Variants in EXOC5 observed in about 807,000 individuals in gnomAD.
The protein encoded by EXOC5 is exocyst complex component 5.
In EXOC5, 17 loss-of-function variants were observed where a neutral mutation model predicts 90.8. The ratio of observed to expected loss-of-function variants is 0.19; its 90% CI spans 0.13 to 0.28. The LOEUF (loss-of-function observed/expected upper bound fraction) is 0.28, where lower values mean the gene tolerates loss of function less well. EXOC5 is among the 10% of genes least tolerant of loss of function. The pLI, the probability that EXOC5 is intolerant of heterozygous loss-of-function variation, is 1.00. For synonymous variants in EXOC5, 260 were observed against 270.0 expected (o/e 0.96, Z 0.36); for missense variants, 569 against 830.6 (o/e 0.69, Z 3.87).
chr14:57,268,166 G>T lies in EXOC5; in HGVS notation c.27+456C>A, dbSNP rs191941254. Reference sequence around the variant, plus strand: ...TACTAATGGAATAATTACTCAAAACGAGAAGCCCCCAAGAGTCCCGATCTC... The same window carrying T: ...TACTAATGGAATAATTACTCAAAACTAGAAGCCCCCAAGAGTCCCGATCTC... On this transcript the variant is annotated intron_variant, in intron 1 of 17. Coordinates refer to ENST00000621441, the MANE Select transcript of EXOC5 (RefSeq NM_006544.4). 1.7e-3 allele frequency: 302 copies of T among 177,138 alleles called. 1 individual carries two copies. Among genetic ancestry groups the T allele is most frequent in the African/African-American group, 6.9e-3 (289 of 41,984 alleles). 11.0% of individuals were successfully genotyped at this position (177,138 alleles called of 1,614,324 possible).
chr14:57,239,186 TCAAAGGTGTCCA>T (rs1205220376), intron 5 of EXOC5, among the ~76,000 whole-genome samples: 85 of 152,282 alleles, frequency 5.6e-4, no homozygotes, highest in African/African-American at 1.9e-3. Flanking sequence ...CATCAGCTTT[TCAAAGGTGTCCA>T]AGGCCTCCAA....
intron 1 of EXOC5, among the ~76,000 whole-genome samples, chr14:57,261,243 A>G (rs1455303251): frequency 6.6e-6 from 1 of 152,196 alleles, no homozygotes; most frequent in Non-Finnish European, 1.5e-5. Context: ...TAAGAGAACA[A>G]GGCAATCAAT....
chr14:57,251,296 A>G (rs1027205509), intron 1 of EXOC5, among the ~76,000 whole-genome samples: 2 of 152,160 alleles, frequency 1.3e-5, no homozygotes, highest in African/African-American at 4.8e-5. Context: ...TGTCCTCCAA[A>G]TATCTGAGAT....
At chr14:57,212,557 C>T (rs1882860957) in intron 15 of EXOC5, among the ~76,000 whole-genome samples, 3 of 152,212 alleles carry the variant, frequency 2.0e-5, no homozygotes, top group Non-Finnish European at 4.4e-5. Flanking sequence ...GCCATCTTAT[C>T]ACCTGTATTG....
At position 57,207,544 on chromosome 14, in the gene EXOC5, C is replaced by T. The variant is rs1882696088; in HGVS notation, c.*1065G>A. 1.3e-5 allele frequency: 2 copies of T among 152,144 alleles called. No homozygotes were observed. Among genetic ancestry groups the T allele is most frequent in the African/African-American group, 4.8e-5 (2 of 41,438 alleles). The allele number at this position is 152,144 out of a possible 1,614,324, so 9.4% of individuals were successfully genotyped here. On this transcript the variant is annotated 3_prime_UTR_variant, in exon 18 of 18. Coordinates refer to ENST00000621441, the MANE Select transcript of EXOC5 (RefSeq NM_006544.4). ...CCAAGTAGGAATAACTTCAGAAATG[C>T]TTTGAAAAAGGACAATGACAGACCT...
chr14:57,219,740 T>C (rs902454534), intron 13 of EXOC5, among the ~76,000 whole-genome samples: 3 of 152,104 alleles, frequency 2.0e-5, no homozygotes, highest in African/African-American at 7.2e-5. Flanking sequence ...TTATCTCTGA[T>C]AACAGTTCGA....
intron 14 of EXOC5, among the ~76,000 whole-genome samples, chr14:57,218,543 GAATGCTATCAGAATGTCAA>G (rs1158148557): frequency 6.6e-6 from 1 of 152,012 alleles, no homozygotes; most frequent in African/African-American, 2.4e-5. Flanking sequence ...TTTGCCTTCT[GAATGCTATCAGAATGTCAA>G]AACATTCAAA....
chr14:57,233,918 T>C (rs1665986337), intron 8 of EXOC5, 35 bp from the exon 9 acceptor site: 1 of 1,601,160 alleles, frequency 6.2e-7, no homozygotes. Context: ...AGTGAACATA[T>C]AATTTCTACA....
In EXOC5 at chr14:57,224,565, A is replaced by G. The variant is rs1016038672; in HGVS notation, c.1297-2149T>C. On this transcript the variant is annotated intron_variant, in intron 12 of 17. Transcript: ENST00000621441. ...TGAATTGTTCTGTATCTACTAAAGA[A>G]GTTGAATTTGTAGTTTAAAATCCTC... 4.6e-5 allele frequency among the ~76,000 whole-genome samples: 7 copies of G among 152,356 alleles called. No individual in the cohort carries two copies. In the East Asian group the frequency reaches 1.2e-3, roughly 25 times the overall value.
At position 57,208,721 on chromosome 14, in the gene EXOC5, T is replaced by C. The variant is rs1882735032; in HGVS notation, c.2015A>G (p.Lys672Arg). The change falls in exon 18 of 18, where the codon AAG becomes AGG. Residue 672 changes from lysine (K) to arginine (R), a missense_variant. This residue lies in a region of EXOC5 where 122 missense variants were observed against 180.0 expected (regional missense o/e 0.68). Coordinates refer to ENST00000621441, the MANE Select transcript of EXOC5 (RefSeq NM_006544.4). ...AAGTTGTTCTCCTGAGCAGACTTGC[T>C]TTAAATTATCTGGGGCAACTACCAG... ...NLLVVAPDNL[K>R]QVCSGEQLAN... 1.9e-6 allele frequency: 3 copies of C among 1,611,942 alleles called. No homozygotes were observed. Among genetic ancestry groups the C allele is most frequent in the Non-Finnish European group, 2.5e-6 (3 of 1,178,410 alleles).
Position 57,201,501 on chromosome 14 carries a change from T to A in EXOC5, c.*7108A>T, listed in dbSNP as rs1430545949. On this transcript the variant is annotated 3_prime_UTR_variant, in exon 18 of 18. Coordinates refer to ENST00000621441, the MANE Select transcript of EXOC5 (RefSeq NM_006544.4). ...ACACGTGTATAAACACACGTGTATA[T>A]ACACACACATATGTATATATATACA... is the stretch of plus-strand genomic sequence containing the variant. 1.4e-5 allele frequency: 2 copies of A among 145,484 alleles called. No homozygotes were observed. The highest frequency in any genetic ancestry group is 2.6e-5 in the African/African-American group (1 of 38,848). The allele number at this position is 145,484 out of a possible 1,614,324, so 9.0% of individuals were successfully genotyped here. A position where few individuals can be genotyped will look rare whatever the true frequency, so the allele number is the denominator to read the frequency against.
chr14:57,239,010 A>C (rs1318549704), intron 5 of EXOC5, among the ~76,000 whole-genome samples: 3 of 152,214 alleles, frequency 2.0e-5, no homozygotes, highest in South Asian at 2.1e-4. Context: ...TTTAGGATGA[A>C]ATCTAACTTA....
At chr14:57,243,612 T>C (rs934728528) in intron 4 of EXOC5, 1 of 152,348 alleles carries the variant, frequency 6.6e-6, no homozygotes, top group African/African-American at 2.4e-5. Flanking sequence ...CCATGTACCC[T>C]TAGACCAGGA....
intron 3 of EXOC5, among the ~76,000 whole-genome samples, chr14:57,246,449 G>C (rs1342254416): frequency 6.6e-6 from 1 of 152,208 alleles, no homozygotes; most frequent in Non-Finnish European, 1.5e-5. Context: ...CATTGTTAGA[G>C]GAGAATCAAG....
intron 13 of EXOC5, among the ~76,000 whole-genome samples, chr14:57,220,753 C>T (rs1883109304): frequency 1.3e-5 from 2 of 152,034 alleles, no homozygotes. Flanking sequence ...TGAGCCATGA[C>T]TATGCCACTG....
Position 57,268,898 on chromosome 14 carries a change from G to T in EXOC5, c.-250C>A. 1.0e-6 allele frequency: 1 copy of T among 977,976 alleles called. No homozygotes were observed. Among genetic ancestry groups the T allele is most frequent in the Non-Finnish European group, 1.4e-6 (1 of 701,828 alleles). 60.6% of individuals were successfully genotyped at this position (977,976 alleles called of 1,614,324 possible). A position where few individuals can be genotyped will look rare whatever the true frequency, so the allele number is the denominator to read the frequency against. ...ATTGTCACCGCCTCATACGCCGGAA[G>T]TGGAACTGCGCGCGCCAGGGAGGTT... On this transcript the variant is annotated 5_prime_UTR_variant, in exon 1 of 18. Transcript: ENST00000621441.
intron 6 of EXOC5, 138 bp downstream of exon 6, chr14:57,237,200 C>T: frequency 4.8e-6 from 3 of 624,174 alleles, no homozygotes; most frequent in Non-Finnish European, 8.7e-6. Flanking sequence ...AGAAATCAAA[C>T]TCAGGGATCT....
chr14:57,247,064 T>C (rs1486442551), intron 2 of EXOC5, among the ~76,000 whole-genome samples: 1 of 152,164 alleles, frequency 6.6e-6, no homozygotes, highest in Non-Finnish European at 1.5e-5. Flanking sequence ...CATAGTTTTG[T>C]CCAGGCCACA....
chr14:57,252,100 T>C (rs1436466462), intron 1 of EXOC5, among the ~76,000 whole-genome samples: 1 of 152,204 alleles, frequency 6.6e-6, no homozygotes, highest in Non-Finnish European at 1.5e-5. Context: ...CTGGAACTCA[T>C]GCCTTCACTG....
Sources: allele counts gnomAD v4.1 joint callset (sites outside exome capture counted in the v4.1 genomes callset), GRCh38; gene constraint gnomAD v4.1.1; regional missense constraint gnomAD v4.1.1; transcripts MANE v1.5; gene names NCBI Gene and HGNC (gene_info 2026-07-23, HGNC 2026-07-21).